Variants in KIF27 observed in about 807,000 individuals in gnomAD.
The protein encoded by KIF27 is kinesin family member 27, also known as kinesin-like protein KIF27.
A neutral mutation model predicts 141.8 loss-of-function variants in KIF27; 84 were observed. The ratio of observed to expected loss-of-function variants is 0.59; its 90% CI spans 0.50 to 0.71. The LOEUF is 0.71. KIF27 is among the 30% of genes least tolerant of loss of function. KIF27 has a pLI of 0.00. For missense variants in KIF27, 1,306 were observed against 1,628.4 expected, an observed-to-expected ratio of 0.80 and a Z score of 3.41; for synonymous variants, 471 against 569.5, an observed-to-expected ratio of 0.83 and a Z score of 2.46.
At chr9:83,866,714 A>G (rs1950381098) in intron 13 of KIF27, among the ~76,000 whole-genome samples, 1 of 152,116 alleles carries the variant, frequency 6.6e-6, no homozygotes, top group Non-Finnish European at 1.5e-5. Flanking sequence ...AGTCTCTACT[A>G]AAAATACAAA....
At chr9:83,848,203 GAT>G (rs1235309795) in intron 16 of KIF27, among the ~76,000 whole-genome samples, 1 of 29,750 alleles carries the variant, frequency 3.4e-5, no homozygotes, top group Admixed American at 2.6e-4. Flanking sequence ...TGATATATCA[GAT>G]ATGATATATA....
At chr9:83,889,482 A>G (rs1237993610) in intron 6 of KIF27, among the ~76,000 whole-genome samples, 1 of 152,168 alleles carries the variant, frequency 6.6e-6, no homozygotes, top group Admixed American at 6.5e-5. Flanking sequence ...TCTCTTCTGG[A>G]CAACTCTTCT....
At chr9:83,839,052 T>G (rs955548349) in intron 17 of KIF27, among the ~76,000 whole-genome samples, 2 of 152,004 alleles carry the variant, frequency 1.3e-5, no homozygotes, top group African/African-American at 4.8e-5. Context: ...CCCAGCTACT[T>G]GAGAGGCTGA....
chr9:83,917,781 A>G (rs947291799), intron 1 of KIF27, among the ~76,000 whole-genome samples: 2 of 152,228 alleles, frequency 1.3e-5, no homozygotes, highest in African/African-American at 4.8e-5. Flanking sequence ...ACCTCATATC[A>G]TATACAAAAG....
intron 1 of KIF27, among the ~76,000 whole-genome samples, chr9:83,916,027 T>TAA (rs1955641901): frequency 2.0e-5 from 3 of 152,122 alleles, no homozygotes; most frequent in Admixed American, 6.6e-5. Flanking sequence ...GGCAAGGAGA[T>TAA]AAGTAAGGAA....
intron 6 of KIF27, among the ~76,000 whole-genome samples, chr9:83,890,892 G>T (rs1398225098): frequency 1.3e-5 from 2 of 152,002 alleles, no homozygotes; most frequent in Non-Finnish European, 2.9e-5. Context: ...ATGTCTACTT[G>T]GTAAGACTGA....
At chr9:83,860,380 T>C (rs1463813435) in intron 13 of KIF27, among the ~76,000 whole-genome samples, 1 of 152,208 alleles carries the variant, frequency 6.6e-6, no homozygotes, top group Non-Finnish European at 1.5e-5. Context: ...TTTTAGACAT[T>C]GTCTACTGAC....
rs1337254877 is a variant in KIF27, at chr9:83,853,783, G to A, written c.3203C>T (p.Ala1068Val). The change falls in exon 15 of 18, where the codon GCA becomes GTA. Residue 1068 changes from alanine to valine, a missense_variant. Transcript: ENST00000297814. Reference protein sequence around the residue: ...LEEGIEALEAAIEYRNESIQN... With the variant: ...LEEGIEALEAVIEYRNESIQN... ...GATACTTTCATTCCTGTATTCAATT[G>A]CAGCTTCCAAAGCTTCAATCCCTTC... 1 of 1,613,466 alleles carries A rather than the reference G, an allele frequency of 6.2e-7. No individual in the cohort carries two copies. Among genetic ancestry groups the A allele is most frequent in the Non-Finnish European group, 8.5e-7 (1 of 1,179,648 alleles).
At chr9:83,845,674 G>A (rs1002575827) in intron 16 of KIF27, among the ~76,000 whole-genome samples, 1 of 152,196 alleles carries the variant, frequency 6.6e-6, no homozygotes, top group African/African-American at 2.4e-5. Context: ...CTTCCCAGTG[G>A]GCAGAACTTT....
chr9:83,904,031 A>C lies in KIF27; in HGVS notation c.500-13T>G. ...GCCCCAACAATCACTTAAAATAGTA[A>C]TAACATGTTTTTAAGCCAAGTTTTC... On this transcript the variant is annotated splice_polypyrimidine_tract_variant and intron_variant, in intron 3 of 17. Coordinates refer to ENST00000297814, the MANE Select transcript of KIF27 (RefSeq NM_017576.4). 6.4e-7 allele frequency: 1 copy of C among 1,562,714 alleles called. No individual in the cohort carries two copies. The highest frequency in any genetic ancestry group is 8.7e-7 in the Non-Finnish European group (1 of 1,154,280).
chr9:83,842,500 T>TC (rs1455995114), intron 16 of KIF27, 99 bp from the exon 17 acceptor site: 1 of 1,390,300 alleles, frequency 7.2e-7, no homozygotes, highest in African/African-American at 1.5e-5. Context: ...TCTCGCACTG[T>TC]CGCCCAGGCT....
intron 4 of KIF27, 152 bp downstream of exon 4, chr9:83,902,908 C>T: frequency 2.0e-6 from 1 of 512,586 alleles, no homozygotes. Flanking sequence ...TCCAAAATCA[C>T]TCTTAGAATT....
At chr9:83,882,417 T>C (rs1951754183) in intron 10 of KIF27, among the ~76,000 whole-genome samples, 1 of 152,208 alleles carries the variant, frequency 6.6e-6, no homozygotes, top group Non-Finnish European at 1.5e-5. Context: ...ATCACCACTA[T>C]GGGACTCTGA....
At chr9:83,846,186 C>T (rs1042950533) in intron 16 of KIF27, among the ~76,000 whole-genome samples, 4 of 152,122 alleles carry the variant, frequency 2.6e-5, no homozygotes, top group Non-Finnish European at 5.9e-5. Context: ...GGGTGATCAG[C>T]GAGCTACCTG....
At chr9:83,866,728 T>C (rs1001316100) in intron 13 of KIF27, among the ~76,000 whole-genome samples, 5 of 151,740 alleles carry the variant, frequency 3.3e-5, no homozygotes, top group Non-Finnish European at 5.9e-5. Flanking sequence ...ATACAAAAAC[T>C]AGCTGGGCAT....
intron 12 of KIF27, among the ~76,000 whole-genome samples, chr9:83,869,162 A>G (rs1459641031): frequency 1.3e-5 from 2 of 152,222 alleles, no homozygotes; most frequent in Non-Finnish European, 1.5e-5. Context: ...GAATGTACCC[A>G]TGTCACTATT....
intron 11 of KIF27, among the ~76,000 whole-genome samples, chr9:83,873,883 C>T (rs527894572): frequency 4.6e-5 from 7 of 152,174 alleles, no homozygotes; most frequent in African/African-American, 1.7e-4. Flanking sequence ...CCCTGTGTCT[C>T]TATTAAAAAG....
rs370636783 is a variant in KIF27 at position 83,876,731 on chromosome 9, T to C, written c.2643+3566A>G. 7.9e-5 allele frequency among the ~76,000 whole-genome samples: 12 copies of C among 152,352 alleles called. No individual in the cohort carries two copies. In the South Asian group the frequency reaches 1.9e-3, roughly 24 times the overall value. ...AGGATAGACATATAGACCTATGGAA[T>C]AGAACTGAGAGTTTAGTAACCATAT... On this transcript the variant is annotated intron_variant, in intron 11 of 17. Coordinates refer to ENST00000297814, the MANE Select transcript of KIF27 (RefSeq NM_017576.4).
At chr9:83,899,869 A>G in intron 4 of KIF27, 65 bp from the exon 5 acceptor site, 1 of 1,395,178 alleles carries the variant, frequency 7.2e-7, no homozygotes, top group Non-Finnish European at 9.7e-7. Context: ...CCCATATGAT[A>G]ACACAAAAAT....
Sources: gnomAD v4.1 joint callset for allele counts (sites outside exome capture counted in the v4.1 genomes callset) on GRCh38, gnomAD v4.1.1 for gene constraint, MANE v1.5 for transcripts, NCBI Gene and HGNC (gene_info 2026-07-23, HGNC 2026-07-21) for gene names.